SORBS2: variants seen among roughly 807,000 people sequenced by gnomAD.
SORBS2 encodes the protein sorbin and SH3 domain-containing protein 2.
SORBS2 carries 46 observed loss-of-function variants against 97.7 expected under a neutral mutation model. The ratio of observed to expected loss-of-function variants is 0.47; its 90% CI spans 0.37 to 0.60. The LOEUF (loss-of-function observed/expected upper bound fraction) is 0.60, where lower values mean the gene tolerates loss of function less well. Among genes scored for constraint, SORBS2 ranks in the 20% least tolerant of loss-of-function variants. The pLI is 0.00. For synonymous variants in SORBS2, 476 were observed against 473.4 expected, an observed-to-expected ratio of 1.01 and a Z score of -0.07; for missense variants, 1,316 against 1,282.3, an observed-to-expected ratio of 1.03 and a Z score of -0.40.
intron 13 of SORBS2, among the ~76,000 whole-genome samples, chr4:185,592,425 G>A (rs2095969039): frequency 1.3e-5 from 2 of 152,126 alleles, no homozygotes; most frequent in South Asian, 4.1e-4. Flanking sequence ...TGTTGGTAAT[G>A]CAATAAACCT....
chr4:185,817,054 A>G (rs2099193677), intron 1 of SORBS2, among the ~76,000 whole-genome samples: 1 of 152,192 alleles, frequency 6.6e-6, no homozygotes, highest in South Asian at 2.1e-4. Context: ...TTACTGGCTA[A>G]TAATAACAAC....
intron 1 of SORBS2, among the ~76,000 whole-genome samples, chr4:185,828,070 G>T (rs1438642764): frequency 1.3e-5 from 2 of 151,868 alleles, no homozygotes; most frequent in Non-Finnish European, 2.9e-5. Context: ...CATTAGGTTT[G>T]TTCTCTAAAA....
intron 2 of SORBS2, among the ~76,000 whole-genome samples, chr4:185,731,866 C>CTCTCTCTATATATA (rs1286500642): frequency 4.0e-5 from 1 of 24,692 alleles, no homozygotes; most frequent in Non-Finnish European, 6.7e-5. Context: ...CTCTCTCTCT[C>CTCTCTCTATATATA]TATATATATA....
chr4:185,915,725 T>A (rs1272366540), intron 1 of SORBS2, among the ~76,000 whole-genome samples: 2 of 150,770 alleles, frequency 1.3e-5, no homozygotes, highest in Admixed American at 6.6e-5. Flanking sequence ...AGCATTAAGT[T>A]TAATGAAGGA....
intron 13 of SORBS2, chr4:185,591,847 T>A (rs567533680): frequency 6.6e-6 from 1 of 152,322 alleles, no homozygotes; most frequent in African/African-American, 2.4e-5. Context: ...TGCTTCATTT[T>A]TGTCTGATGA....
At chr4:185,922,951 G>C (rs1354637659) in intron 1 of SORBS2, among the ~76,000 whole-genome samples, 1 of 152,172 alleles carries the variant, frequency 6.6e-6, no homozygotes, top group African/African-American at 2.4e-5. Context: ...CAAGTAGTTA[G>C]GACTGTCAAG....
intron 1 of SORBS2, among the ~76,000 whole-genome samples, chr4:185,849,217 T>C (rs1244841051): frequency 6.6e-6 from 1 of 152,128 alleles, no homozygotes; most frequent in Non-Finnish European, 1.5e-5. Flanking sequence ...TCCTGGCATC[T>C]TGGCACACCC....
chr4:185,838,842 T>A (rs559568636), intron 1 of SORBS2, among the ~76,000 whole-genome samples: 6 of 152,306 alleles, frequency 3.9e-5, no homozygotes, highest in Admixed American at 1.3e-4. Flanking sequence ...GAACCTCCTG[T>A]CTCTGATAGC....
intron 1 of SORBS2, among the ~76,000 whole-genome samples, chr4:185,801,076 G>A (rs979222085): frequency 1.3e-5 from 2 of 152,050 alleles, no homozygotes; most frequent in Non-Finnish European, 2.9e-5. Flanking sequence ...ACCACCATTC[G>A]ACTCTGTTTC....
intron 1 of SORBS2, among the ~76,000 whole-genome samples, chr4:185,920,250 C>G (rs1468252015): frequency 6.6e-6 from 1 of 152,182 alleles, no homozygotes; most frequent in African/African-American, 2.4e-5. Flanking sequence ...CCCACCATCT[C>G]TGATGTGAGC....
At chr4:185,932,733 C>T (rs1432609824) in intron 1 of SORBS2, among the ~76,000 whole-genome samples, 1 of 133,870 alleles carries the variant, frequency 7.5e-6, no homozygotes, top group African/African-American at 2.5e-5. Context: ...GGATGAGCCC[C>T]CCTGGGGCTC....
intron 1 of SORBS2, among the ~76,000 whole-genome samples, chr4:185,842,275 G>A (rs772906028): frequency 5.3e-5 from 8 of 152,184 alleles, no homozygotes; most frequent in Non-Finnish European, 8.8e-5. Context: ...CTCTAGTCAT[G>A]TAAAGATCTA....
At chr4:185,650,243 A>C in intron 2 of SORBS2, among the ~76,000 whole-genome samples, 1 of 152,244 alleles carries the variant, frequency 6.6e-6, no homozygotes, top group East Asian at 1.9e-4. Flanking sequence ...GTAAAAGATA[A>C]TAAAGACCAA....
At chr4:185,942,800 A>G (rs2099272778) in intron 1 of SORBS2, among the ~76,000 whole-genome samples, 1 of 152,036 alleles carries the variant, frequency 6.6e-6, no homozygotes, top group African/African-American at 2.4e-5. Flanking sequence ...AGGGAAAGAG[A>G]TCATGTATGT....
Position 185,792,309 on chromosome 4 carries a change from T to C in SORBS2, c.-337-16943A>G, listed in dbSNP as rs373971959. Among the ~76,000 whole-genome samples the C allele has an allele frequency of 2.0e-3, 310 of 152,136 alleles. 4 individuals carry two copies. The highest frequency in any genetic ancestry group is 0.017 in the South Asian group (80 of 4,816). ...AAGAGTTTGAAACCAGCCTGGCCAA[T>C]ATGGTGAAACCCCGTCTCTACTAAA... On this transcript the variant is annotated intron_variant, in intron 1 of 20. Transcript: ENST00000284776.
At chr4:185,604,720 G>T (rs1211549556) in intron 12 of SORBS2, among the ~76,000 whole-genome samples, 1 of 152,038 alleles carries the variant, frequency 6.6e-6, no homozygotes, top group Non-Finnish European at 1.5e-5. Context: ...AATCCCCAAT[G>T]GTATGATCAG....
At chr4:185,826,536 A>G (rs1186218055) in intron 1 of SORBS2, among the ~76,000 whole-genome samples, 1 of 152,234 alleles carries the variant, frequency 6.6e-6, no homozygotes, top group Non-Finnish European at 1.5e-5. Flanking sequence ...TACTGAGGAT[A>G]TGCGAATGTA....
intron 2 of SORBS2, among the ~76,000 whole-genome samples, chr4:185,704,068 G>T (rs1381302682): frequency 6.6e-6 from 1 of 152,154 alleles, no homozygotes; most frequent in Non-Finnish European, 1.5e-5. Flanking sequence ...ATTTTGTGTA[G>T]TATAAGTATG....
chr4:185,672,383 T>C (rs1007819647), intron 4 of SORBS2, among the ~76,000 whole-genome samples: 3 of 152,248 alleles, frequency 2.0e-5, no homozygotes, highest in African/African-American at 4.8e-5. Context: ...GCAAGGAACA[T>C]AGCACAGATG....
Sources: gnomAD v4.1 joint callset for allele counts (sites outside exome capture counted in the v4.1 genomes callset) on GRCh38, gnomAD v4.1.1 for gene constraint, MANE v1.5 for transcripts, NCBI Gene and HGNC (gene_info 2026-07-23, HGNC 2026-07-21) for gene names.